Variants in DISC1 observed in about 807,000 individuals in gnomAD.
DISC1 encodes the protein DISC1 scaffold protein, also known as disrupted in schizophrenia 1 protein.
DISC1 carries 57 observed loss-of-function variants against 84.5 expected under a neutral mutation model. That is an observed-to-expected ratio of 0.67 (90% CI 0.55 to 0.84). DISC1 has a LOEUF of 0.84. DISC1 is among the 40% of genes least tolerant of loss of function. DISC1 has a pLI of 0.00. For missense variants in DISC1, 1,000 were observed against 1,057.8 expected, an observed-to-expected ratio of 0.95 and a Z score of 0.76; for synonymous variants, 411 against 415.2, an observed-to-expected ratio of 0.99 and a Z score of 0.12.
chr1:231,884,605 G>T (rs2086549683), intron 9 of DISC1, among the ~76,000 whole-genome samples: 1 of 152,126 alleles, frequency 6.6e-6, no homozygotes, highest in Non-Finnish European at 1.5e-5. Context: ...CTTCCTTCGG[G>T]TGTATAAGAA....
intron 2 of DISC1, among the ~76,000 whole-genome samples, chr1:231,700,192 A>G (rs905145284): frequency 5.3e-5 from 8 of 152,104 alleles, no homozygotes; most frequent in African/African-American, 1.9e-4. Flanking sequence ...CTTACAGTTG[A>G]CCCTTGAACA....
intron 4 of DISC1, among the ~76,000 whole-genome samples, chr1:231,751,769 A>G (rs753483022): frequency 6.6e-6 from 1 of 152,240 alleles, no homozygotes; most frequent in Non-Finnish European, 1.5e-5. Flanking sequence ...TAGTGTCTTC[A>G]ATGTTCATCC....
intron 9 of DISC1, among the ~76,000 whole-genome samples, chr1:231,854,517 A>G (rs201309510): frequency 5.3e-5 from 8 of 152,166 alleles, no homozygotes; most frequent in Non-Finnish European, 8.8e-5. Flanking sequence ...AGCTATAACT[A>G]TGAATTCTCA....
At chr1:231,816,544 C>T (rs2081000364) in intron 8 of DISC1, among the ~76,000 whole-genome samples, 1 of 151,904 alleles carries the variant, frequency 6.6e-6, no homozygotes, top group South Asian at 2.1e-4. Flanking sequence ...ATAGTTTTAA[C>T]TTTTACATGT....
At chr1:231,786,843 TG>T (rs1437657729) in intron 6 of DISC1, among the ~76,000 whole-genome samples, 1 of 152,084 alleles carries the variant, frequency 6.6e-6, no homozygotes, top group Non-Finnish European at 1.5e-5. Context: ...CGTCCACCCT[TG>T]GGAGCAGTGC....
chr1:231,854,734 T>C (rs1469354280), intron 9 of DISC1: 1 of 165,844 alleles, frequency 6.0e-6, no homozygotes, highest in Non-Finnish European at 1.3e-5. Context: ...TTTTTTTTTT[T>C]TGAGATGGAG....
At chr1:231,633,186 C>T (rs971674596) in intron 1 of DISC1, among the ~76,000 whole-genome samples, 1 of 152,198 alleles carries the variant, frequency 6.6e-6, no homozygotes, top group Admixed American at 6.5e-5. Context: ...ATTCATTCAA[C>T]GTTTATTGAG....
At chr1:231,792,761 A>G (rs1193945510) in intron 6 of DISC1, among the ~76,000 whole-genome samples, 1 of 152,164 alleles carries the variant, frequency 6.6e-6, no homozygotes, top group Non-Finnish European at 1.5e-5. Context: ...CCCAATCTCC[A>G]TGTCTGTGTG....
At chr1:231,722,610 C>T in intron 3 of DISC1, 1 of 1,614,148 alleles carries the variant, frequency 6.2e-7, no homozygotes, top group Non-Finnish European at 8.5e-7. Flanking sequence ...AATGAAACTT[C>T]CCAAATTTAA....
chr1:232,023,188 T>C (rs929302668), intron 11 of DISC1, among the ~76,000 whole-genome samples: 4 of 152,188 alleles, frequency 2.6e-5, no homozygotes, highest in African/African-American at 9.7e-5. Flanking sequence ...CCACAAATAA[T>C]AATTATAAAT....
chr1:231,626,792 C>A lies in DISC1; in HGVS notation c.-76C>A. On this transcript the variant is annotated 5_prime_UTR_variant, in exon 1 of 13. Coordinates refer to ENST00000439617, the MANE Select transcript of DISC1 (RefSeq NM_018662.3). ...CACTTCCCGTCCAGCGCGCTGCTCC[C>A]TTCCCCCCGCCTCTGGCCTCGGGGA... 8.6e-7 allele frequency: 1 copy of A among 1,165,270 alleles called. No homozygotes were observed. The highest frequency in any genetic ancestry group is 1.1e-6 in the Non-Finnish European group (1 of 880,762). 72.2% of individuals were successfully genotyped at this position (1,165,270 alleles called of 1,614,324 possible). A position where few individuals can be genotyped will look rare whatever the true frequency, so the allele number is the denominator to read the frequency against.
intron 12 of DISC1, among the ~76,000 whole-genome samples, chr1:232,029,780 A>G (rs942956849): frequency 2.6e-5 from 4 of 152,226 alleles, no homozygotes; most frequent in African/African-American, 4.8e-5. Flanking sequence ...TGCATAAACC[A>G]TGTGTGTACA....
rs530061206 is a variant in DISC1 at position 231,666,310 on chromosome 1, A to G, written c.68-27516A>G. 1.2e-4 allele frequency among the ~76,000 whole-genome samples: 5 copies of G among 42,600 alleles called. No homozygotes were observed. In the South Asian group the frequency reaches 3.2e-3, roughly 27 times the overall value. 27.9% of individuals were successfully genotyped at this position (42,600 alleles called of 152,430 possible). On this transcript the variant is annotated intron_variant, in intron 1 of 12. Transcript: ENST00000439617. The stretch of plus-strand genomic sequence containing the variant: ...TGTGTCATGTAGCTTTTGTCTCAGG[A>G]AAAAAAAAAAAAAAAAAAAGCACAG...
intron 3 of DISC1, among the ~76,000 whole-genome samples, chr1:231,731,870 G>C (rs2071561326): frequency 1.3e-5 from 2 of 152,216 alleles, no homozygotes; most frequent in Admixed American, 6.5e-5. Context: ...CCCTGAGCCA[G>C]ACGCTCTGCT....
At chr1:231,633,812 T>C (rs2058948280) in intron 1 of DISC1, among the ~76,000 whole-genome samples, 1 of 152,108 alleles carries the variant, frequency 6.6e-6, no homozygotes, top group Non-Finnish European at 1.5e-5. Context: ...GTGTCCTGAA[T>C]GTGGAATCTG....
In DISC1 at chr1:231,875,232, AGAG is replaced by A. The variant is rs552126832; in HGVS notation, c.1981+56719_1981+56721del. On this transcript the variant is annotated intron_variant, in intron 9 of 12. Transcript: ENST00000439617. ...CAGGATGCTATGGTCAGTGATGGGG[AGAG>A]GAGAAGACTCTGCAGCTGAACCTGT... Among the ~76,000 whole-genome samples the A allele has an allele frequency of 1.8e-4, 28 of 152,240 alleles. No homozygotes were observed. The East Asian group carries it at 5.4e-3, about 29-fold the overall frequency.
intron 9 of DISC1, among the ~76,000 whole-genome samples, chr1:231,935,251 C>T (rs1273817748): frequency 2.0e-5 from 3 of 152,248 alleles, no homozygotes; most frequent in Admixed American, 6.5e-5. Flanking sequence ...GTGGGTCCCC[C>T]GCATTTTTCA....
chr1:231,818,878 C>T, intron 9 of DISC1: 4 of 1,067,544 alleles, frequency 3.7e-6, no homozygotes, highest in Middle Eastern at 4.5e-4. Context: ...CTTGTCTGCA[C>T]AATCATAGAC....
chr1:231,885,942 T>C (rs1188495693), intron 9 of DISC1, among the ~76,000 whole-genome samples: 1 of 152,146 alleles, frequency 6.6e-6, no homozygotes, highest in African/African-American at 2.4e-5. Flanking sequence ...AGCAGAAACA[T>C]ATTTCCTCAT....
Sources: allele counts gnomAD v4.1 joint callset (sites outside exome capture counted in the v4.1 genomes callset), GRCh38; gene constraint gnomAD v4.1.1; transcripts MANE v1.5; gene names NCBI Gene and HGNC (gene_info 2026-07-23, HGNC 2026-07-21).